HYDIN: variants seen among roughly 807,000 people sequenced by gnomAD.
The protein encoded by HYDIN is HYDIN axonemal central pair apparatus protein.
A neutral mutation model predicts 403.9 loss-of-function variants in HYDIN; 132 were observed. The ratio of observed to expected loss-of-function variants is 0.33; its 90% confidence interval spans 0.28 to 0.38. HYDIN has a LOEUF of 0.38. Among genes scored for constraint, HYDIN ranks in the 10% least tolerant of loss-of-function variants. The probability of loss-of-function intolerance (pLI) is 1.00; values close to 1 mark genes in which losing one functional copy is unlikely to be tolerated. For missense variants in HYDIN, 2,827 were observed against 5,009.5 expected (o/e 0.56, Z 13.15); for synonymous variants, 1,202 against 1,891.7 (o/e 0.64, Z 9.46).
chr16:71,040,475 C>T (rs1466074805), intron 18 of HYDIN, among the ~76,000 whole-genome samples: 1 of 146,914 alleles, frequency 6.8e-6, no homozygotes, highest in Non-Finnish European at 1.5e-5. Context: ...TGCACATACC[C>T]CCCCTCCCCG....
At chr16:71,066,973 C>T (rs1251444528) in intron 15 of HYDIN, 2 of 687,070 alleles carry the variant, frequency 2.9e-6, no homozygotes, top group Admixed American at 2.1e-5. Context: ...CAGCTCTTCA[C>T]CTCTTCCTGC....
At chr16:71,221,457 C>T (rs2089196855) in intron 1 of HYDIN, among the ~76,000 whole-genome samples, 1 of 151,996 alleles carries the variant, frequency 6.6e-6, no homozygotes. Flanking sequence ...CTCTGAGGAC[C>T]TCTCTGAGGT....
chr16:70,818,462 T>C lies in HYDIN; in HGVS notation c.14538A>G (p.Gln4846=). 1 of 1,573,298 alleles carries C rather than the reference T, an allele frequency of 6.4e-7. No homozygotes were observed. Among genetic ancestry groups the C allele is most frequent in the Non-Finnish European group, 8.7e-7 (1 of 1,151,166 alleles). ...CCAACTTGATGGAGGCTGACGCAAC[T>C]TGCCGGACTGGGGTCACCATCTCGA... ...KTIEMVTPVR[Q]VASASIKLEN... is the part of the protein sequence containing the mutation. The change falls in exon 84 of 86, where the codon CAA becomes CAG. Residue 4846 remains glutamine, a synonymous_variant. Transcript: ENST00000393567.
chr16:70,909,840 C>A (rs1184432338), intron 47 of HYDIN, among the ~76,000 whole-genome samples: 1 of 151,544 alleles, frequency 6.6e-6, no homozygotes, highest in Non-Finnish European at 1.5e-5. Context: ...GGACTACAGG[C>A]GCCTGCCACC....
At chr16:71,018,899 G>A (rs2080363150) in intron 22 of HYDIN, among the ~76,000 whole-genome samples, 1 of 131,732 alleles carries the variant, frequency 7.6e-6, no homozygotes, top group African/African-American at 2.8e-5. Flanking sequence ...ATTTTTAAAA[G>A]GGTTTTCTAA....
At chr16:70,823,984 G>A (rs1272915867) in intron 83 of HYDIN, among the ~76,000 whole-genome samples, 1 of 149,288 alleles carries the variant, frequency 6.7e-6, no homozygotes, top group Non-Finnish European at 1.5e-5. Flanking sequence ...CTTCCTTTTC[G>A]AGGATTGCAG....
intron 72 of HYDIN, among the ~76,000 whole-genome samples, chr16:70,857,149 T>C (rs1197274731): frequency 8.0e-6 from 1 of 124,600 alleles, no homozygotes; most frequent in Non-Finnish European, 1.6e-5. Context: ...ACATGGTGTA[T>C]AGTTTCCTTA....
At chr16:71,163,750 T>C (rs1372832434) in intron 5 of HYDIN, among the ~76,000 whole-genome samples, 1 of 152,232 alleles carries the variant, frequency 6.6e-6, no homozygotes, top group Non-Finnish European at 1.5e-5. Flanking sequence ...CAGAGTTCCC[T>C]ACCTGATGAG....
At chr16:71,207,164 G>A (rs1450580211) in intron 1 of HYDIN, among the ~76,000 whole-genome samples, 1 of 152,130 alleles carries the variant, frequency 6.6e-6, no homozygotes, top group African/African-American at 2.4e-5. Context: ...AAATGTTAAA[G>A]GCAGCTAGAG....
At chr16:70,903,195 GAAT>G (rs1307922741) in intron 52 of HYDIN, among the ~76,000 whole-genome samples, 2 of 123,966 alleles carry the variant, frequency 1.6e-5, no homozygotes, top group East Asian at 2.1e-4. Flanking sequence ...TTTCTATTTA[GAAT>G]AATAATACCA....
chr16:70,939,494 C>A (rs2077603200), intron 43 of HYDIN, among the ~76,000 whole-genome samples: 1 of 152,112 alleles, frequency 6.6e-6, no homozygotes, highest in African/African-American at 2.4e-5. Context: ...AGCATACTGT[C>A]ATACTACTAT....
At chr16:71,194,695 C>T (rs2087604726) in intron 1 of HYDIN, among the ~76,000 whole-genome samples, 1 of 152,168 alleles carries the variant, frequency 6.6e-6, no homozygotes, top group Admixed American at 6.5e-5. Flanking sequence ...TTCCATGATT[C>T]AAGAATTCAA....
chr16:70,910,701 C>A (rs1488911823), intron 47 of HYDIN, among the ~76,000 whole-genome samples: 1 of 128,930 alleles, frequency 7.8e-6, no homozygotes, highest in African/African-American at 2.9e-5. Context: ...GTTTACATTC[C>A]CATCAGCAGT....
intron 13 of HYDIN, among the ~76,000 whole-genome samples, chr16:71,070,854 C>G (rs1319894404): frequency 7.5e-6 from 1 of 132,570 alleles, no homozygotes; most frequent in Non-Finnish European, 1.6e-5. Flanking sequence ...TGCCTCATGT[C>G]TCAGCTTTTG....
intron 9 of HYDIN, among the ~76,000 whole-genome samples, chr16:71,128,638 A>G (rs1324834913): frequency 6.8e-6 from 1 of 148,118 alleles, no homozygotes; most frequent in East Asian, 2.0e-4. Context: ...TTTGTCGCCC[A>G]GGCTGGAGTA....
In HYDIN at chr16:70,908,883, G is replaced by A. The variant is rs1395137654; in HGVS notation, c.8005-22C>T. On this transcript the variant is annotated intron_variant, in intron 47 of 85. Transcript: ENST00000393567. The stretch of plus-strand genomic sequence containing the variant: ...GAGCCTTAATTAAAAACGAGCATGA[G>A]GTCTTAAATATTCACTTTTTGTACA... 3 of 1,608,928 alleles carry A rather than the reference G, an allele frequency of 1.9e-6. No individual in the cohort carries two copies. In the East Asian group the frequency reaches 6.7e-5, roughly 36 times the overall value.
rs1173015427 is a variant in HYDIN, at chr16:70,805,442, TCA to T, written c.*2136_*2137del. ...GCTCGAGGCTTTAGAGTCGTGGTTC[TCA>T]CAGTCTGATTGGTCTCACCAACGAG... On this transcript the variant is annotated 3_prime_UTR_variant, in exon 86 of 86. Coordinates refer to ENST00000393567, the MANE Select transcript of HYDIN (RefSeq NM_001270974.2). 2.0e-5 allele frequency among the ~76,000 whole-genome samples: 3 copies of T among 152,216 alleles called. No individual in the cohort carries two copies. The highest frequency in any genetic ancestry group is 2.0e-4 in the Admixed American group (3 of 15,288).
rs2041476820 is a variant in HYDIN, at chr16:70,891,673, CCT to C, written c.9627_9628del (p.Ser3212ProfsTer20). The C allele has an allele frequency of 2.7e-6, 1 of 374,322 alleles. No homozygotes were observed. Among genetic ancestry groups the C allele is most frequent in the Non-Finnish European group, 4.7e-6 (1 of 214,096 alleles). 23.2% of individuals were successfully genotyped at this position (374,322 alleles called of 1,614,324 possible). The stretch of plus-strand genomic sequence containing the variant: ...TTTCTTTTGATGAATGGGGCTCTCC[CCT>C]GTCAGCTTATAAAGGGCGAACTTGA... On this transcript the variant is annotated frameshift_variant, in exon 57 of 86. Coordinates refer to ENST00000393567, the MANE Select transcript of HYDIN (RefSeq NM_001270974.2). LOFTEE classifies it high-confidence loss of function.
At chr16:71,125,989 A>ATC (rs1261148862) in intron 9 of HYDIN, among the ~76,000 whole-genome samples, 12 of 151,526 alleles carry the variant, frequency 7.9e-5, no homozygotes, top group Non-Finnish European at 1.0e-4. Context: ...ACCCCAGTGG[A>ATC]TGCTCTGTGG....
Sources: gnomAD v4.1 joint callset for allele counts (sites outside exome capture counted in the v4.1 genomes callset) on GRCh38, gnomAD v4.1.1 for gene constraint, MANE v1.5 for transcripts, NCBI Gene and HGNC (gene_info 2026-07-23, HGNC 2026-07-21) for gene names.